The following SORBS2 variants were observed in gnomAD, a reference collection of about 807,000 sequenced individuals.
SORBS2 encodes the protein sorbin and SH3 domain containing 2, also known as sorbin and SH3 domain-containing protein 2.
A neutral mutation model predicts 97.7 loss-of-function variants in SORBS2; 46 were observed. The observed-to-expected ratio is 0.47, with a 90% CI of 0.37 to 0.60. SORBS2 has a LOEUF of 0.60. Among genes scored for constraint, SORBS2 ranks in the 20% least tolerant of loss-of-function variants. The pLI, the probability that SORBS2 is intolerant of heterozygous loss-of-function variation, is 0.00. For synonymous variants in SORBS2, 476 were observed against 473.4 expected, an observed-to-expected ratio of 1.01 and a Z score of -0.07; for missense variants, 1,316 against 1,282.3, an observed-to-expected ratio of 1.03 and a Z score of -0.40.
intron 1 of SORBS2, among the ~76,000 whole-genome samples, chr4:185,948,155 C>T (rs2099275439): frequency 6.6e-6 from 1 of 152,126 alleles, no homozygotes; most frequent in Admixed American, 6.5e-5. Flanking sequence ...TCTGATGCAG[C>T]TTCTCTCTGT....
intron 1 of SORBS2, among the ~76,000 whole-genome samples, chr4:185,873,422 C>A (rs1402726023): frequency 6.6e-6 from 1 of 152,144 alleles, no homozygotes; most frequent in Non-Finnish European, 1.5e-5. Flanking sequence ...ACAAATCCAG[C>A]AGGATAAGAA....
intron 1 of SORBS2, among the ~76,000 whole-genome samples, chr4:185,653,380 G>A (rs978660503): frequency 1.3e-5 from 2 of 152,204 alleles, no homozygotes; most frequent in Admixed American, 6.5e-5. Flanking sequence ...AAGTCCTTAC[G>A]GATCCAGGCG....
chr4:185,751,190 A>AAAAAAAAAAAAAAAAAAAAAAT, intron 2 of SORBS2, among the ~76,000 whole-genome samples: 1 of 86,426 alleles, frequency 1.2e-5, no homozygotes, highest in Non-Finnish European at 2.5e-5. Context: ...AAAAAAAAAA[A>AAAAAAAAAAAAAAAAAAAAAAT]AGAGAAAGAG....
chr4:185,823,146 G>A (rs1446792429), intron 1 of SORBS2, among the ~76,000 whole-genome samples: 1 of 152,154 alleles, frequency 6.6e-6, no homozygotes, highest in African/African-American at 2.4e-5. Flanking sequence ...TGGATTCAGT[G>A]ATGTGACCAT....
At chr4:185,687,243 G>T (rs1442257952) in intron 2 of SORBS2, among the ~76,000 whole-genome samples, 2 of 152,032 alleles carry the variant, frequency 1.3e-5, no homozygotes, top group Admixed American at 1.3e-4. Context: ...GCCCAGGCTT[G>T]TCTCCAACAC....
chr4:185,659,665 C>T (rs977929906), upstream of SORBS2, among the ~76,000 whole-genome samples: 1 of 152,128 alleles, frequency 6.6e-6, no homozygotes, highest in African/African-American at 2.4e-5. Flanking sequence ...TCGTGATCCA[C>T]CCGCCTCGGC....
intron 1 of SORBS2, among the ~76,000 whole-genome samples, chr4:185,807,682 C>T (rs1217091929): frequency 1.3e-5 from 2 of 152,184 alleles, no homozygotes; most frequent in African/African-American, 4.8e-5. Context: ...GAAGTGTTTC[C>T]TTTTAACTGC....
At position 185,677,362 on chromosome 4, in the gene SORBS2, C is replaced by T. The variant is rs373376887; in HGVS notation, c.-46+1061G>A. 3.4e-4 allele frequency: 529 copies of T among 1,552,182 alleles called. 1 individual carries two copies. The highest frequency in any genetic ancestry group is 4.3e-4 in the Non-Finnish European group (496 of 1,147,148). On this transcript the variant is annotated intron_variant, in intron 4 of 20. Coordinates refer to the SORBS2 transcript ENST00000284776. ...TGTAGAACTGGGGTGTTGATGTTAG[C>T]GAATGGTGCAGGATCCGTGCTGGAA...
At chr4:185,750,982 G>A (rs563750545) in intron 2 of SORBS2, among the ~76,000 whole-genome samples, 3 of 151,234 alleles carry the variant, frequency 2.0e-5, no homozygotes, top group South Asian at 2.1e-4. Context: ...GCACTTTAGC[G>A]ATCCAAAAAA....
intron 2 of SORBS2, among the ~76,000 whole-genome samples, chr4:185,756,233 A>G (rs1009757617): frequency 4.6e-5 from 7 of 151,922 alleles, no homozygotes; most frequent in African/African-American, 1.7e-4. Flanking sequence ...CTTACAAGTC[A>G]TGACTCATAT....
chr4:185,761,626 A>T (rs1294712897), intron 2 of SORBS2: 1 of 152,244 alleles, frequency 6.6e-6, no homozygotes, highest in African/African-American at 2.4e-5. Context: ...TATGTGAATC[A>T]GAAAGGAAGG....
intron 2 of SORBS2, among the ~76,000 whole-genome samples, chr4:185,741,554 A>T (rs1198625358): frequency 6.6e-6 from 1 of 151,866 alleles, no homozygotes. Context: ...TTTTTAGTAC[A>T]GATGGAGTTT....
chr4:185,821,973 A>T (rs2099197049), intron 1 of SORBS2, among the ~76,000 whole-genome samples: 1 of 152,180 alleles, frequency 6.6e-6, no homozygotes, highest in African/African-American at 2.4e-5. Context: ...AAGACATACC[A>T]CTATTTTATG....
In SORBS2 at chr4:185,656,934, T is replaced by G. The variant is rs1581975849; in HGVS notation, c.-296A>C. The G allele has an allele frequency of 6.0e-6, 7 of 1,174,604 alleles. No individual in the cohort carries two copies. The East Asian group carries it at 3.7e-4, about 62-fold the overall frequency. The allele number at this position is 1,174,604 out of a possible 1,614,324, so 72.8% of individuals were successfully genotyped here. A position where few individuals can be genotyped will look rare whatever the true frequency, so the allele number is the denominator to read the frequency against. On this transcript the variant is annotated 5_prime_UTR_variant, in exon 1 of 15. Transcript: ENST00000418609. ...TTTCCTTTCCATGACATTAACTCTCTTCACTCCAATCATCTCACCTCCCAA... is the reference window on the plus strand; with the variant it reads ...TTTCCTTTCCATGACATTAACTCTCGTCACTCCAATCATCTCACCTCCCAA...
intron 5 of SORBS2, 131 bp downstream of exon 8, chr4:185,661,973 A>G: frequency 1.1e-6 from 1 of 947,412 alleles, no homozygotes; most frequent in Non-Finnish European, 1.6e-6. Flanking sequence ...CCTCTGCCCC[A>G]GTTTCTCCCT....
intron 2 of SORBS2, among the ~76,000 whole-genome samples, chr4:185,764,960 A>G (rs2153614088): frequency 6.6e-6 from 1 of 151,870 alleles, no homozygotes; most frequent in Middle Eastern, 3.4e-3. Context: ...TTTAATGAAT[A>G]CTCTTTTTAA....
At chr4:185,698,694 C>T (rs1013402963) in intron 2 of SORBS2, among the ~76,000 whole-genome samples, 2 of 152,120 alleles carry the variant, frequency 1.3e-5, no homozygotes, top group East Asian at 3.9e-4. Context: ...GAACTGTTAA[C>T]ATAGAACCAT....
At chr4:185,782,065 C>T (rs1317925832) in intron 1 of SORBS2, among the ~76,000 whole-genome samples, 2 of 152,220 alleles carry the variant, frequency 1.3e-5, no homozygotes, top group Non-Finnish European at 2.9e-5. Context: ...TAAGTAGGGG[C>T]CAATACGTAG....
chr4:185,815,560 A>T (rs578185703), intron 1 of SORBS2, among the ~76,000 whole-genome samples: 16 of 152,330 alleles, frequency 1.1e-4, no homozygotes, highest in African/African-American at 3.8e-4. Flanking sequence ...TTTCTAAGAC[A>T]AATATTTGTT....
Sources: gnomAD v4.1 joint callset for allele counts (sites outside exome capture counted in the v4.1 genomes callset) on GRCh38, gnomAD v4.1.1 for gene constraint, MANE v1.5 for transcripts, NCBI Gene and HGNC (gene_info 2026-07-23, HGNC 2026-07-21) for gene names.